Variants in NRG1 observed in about 807,000 individuals in gnomAD.
The protein encoded by NRG1 is neuregulin 1, also known as pro-neuregulin-1, membrane-bound isoform.
A neutral mutation model predicts 63.8 loss-of-function variants in NRG1; 18 were observed. That is an observed-to-expected ratio of 0.28 (90% CI 0.19 to 0.42). The LOEUF (loss-of-function observed/expected upper bound fraction) is 0.42, where lower values mean the gene tolerates loss of function less well. Among genes scored for constraint, NRG1 ranks in the 10% least tolerant of loss-of-function variants. NRG1 has a pLI of 1.00. For missense variants in NRG1, 762 were observed against 814.7 expected (o/e 0.94, Z 0.79); for synonymous variants, 302 against 301.3 (o/e 1.00, Z -0.02).
chr8:31,747,562 T>C (rs772703909), intron 1 of NRG1, among the ~76,000 whole-genome samples: 1 of 152,046 alleles, frequency 6.6e-6, no homozygotes, highest in Admixed American at 6.6e-5. Flanking sequence ...TCTTCTCTTA[T>C]ATTCTTCCAA....
intron 1 of NRG1, among the ~76,000 whole-genome samples, chr8:32,115,278 G>T (rs143806844): frequency 2.2e-3 from 336 of 152,044 alleles, no homozygotes; most frequent in African/African-American, 7.9e-3. Flanking sequence ...TGATCCACCC[G>T]CCTCAGCCTC....
At chr8:32,141,697 T>C (rs1430937110) in intron 1 of NRG1, among the ~76,000 whole-genome samples, 1 of 148,946 alleles carries the variant, frequency 6.7e-6, no homozygotes, top group Admixed American at 6.7e-5. Flanking sequence ...AATATCTGAA[T>C]AACATTTGAA....
At chr8:32,508,382 C>T (rs965786396) in intron 1 of NRG1, among the ~76,000 whole-genome samples, 3 of 152,008 alleles carry the variant, frequency 2.0e-5, no homozygotes, top group African/African-American at 4.8e-5. Flanking sequence ...CCTCCACCTC[C>T]CAGGTTCAAG....
chr8:31,952,672 T>C lies in NRG1; in HGVS notation c.37+313241T>C, dbSNP rs182854739. Among the ~76,000 whole-genome samples, 74 of 152,380 alleles carry C rather than the reference T, an allele frequency of 4.9e-4. 1 individual carries two copies. In the East Asian group the frequency reaches 0.011, roughly 23 times the overall value. ...TTGCTGTTTGTGTGATTTCCTACAT[T>C]GGCCTTGGGCCTATTATGAGCTGAC... On this transcript the variant is annotated intron_variant, in intron 1 of 10. Coordinates refer to the NRG1 transcript ENST00000519301.
chr8:32,544,440 A>C (rs1168409177), upstream of NRG1, among the ~76,000 whole-genome samples: 1 of 151,484 alleles, frequency 6.6e-6, no homozygotes, highest in African/African-American at 2.4e-5. Flanking sequence ...GATCAGAGAC[A>C]GTATTTTATT....
At chr8:32,030,632 T>A (rs747458202) in intron 1 of NRG1, among the ~76,000 whole-genome samples, 20 of 152,120 alleles carry the variant, frequency 1.3e-4, no homozygotes, top group Non-Finnish European at 2.8e-4. Context: ...AGAGACTCCG[T>A]TGGGGATGAT....
At chr8:32,657,678 C>T (rs753776537) in intron 5 of NRG1, among the ~76,000 whole-genome samples, 3 of 152,218 alleles carry the variant, frequency 2.0e-5, no homozygotes, top group Non-Finnish European at 4.4e-5. Context: ...TAGAATTGAA[C>T]TCTTGTTAGC....
chr8:32,498,089 C>G (rs1235711227), intron 1 of NRG1, among the ~76,000 whole-genome samples: 1 of 152,168 alleles, frequency 6.6e-6, no homozygotes, highest in Non-Finnish European at 1.5e-5. Flanking sequence ...TCCCAAAGTA[C>G]TGGGATTACA....
intron 1 of NRG1, among the ~76,000 whole-genome samples, chr8:31,883,240 A>G (rs748224743): frequency 3.3e-5 from 5 of 152,156 alleles, no homozygotes; most frequent in Admixed American, 6.6e-5. Context: ...CTTTCTGAAG[A>G]TTCAGATGAT....
At chr8:32,590,490 T>C (rs1842338707) in intron 1 of NRG1, among the ~76,000 whole-genome samples, 1 of 152,208 alleles carries the variant, frequency 6.6e-6, no homozygotes, top group Non-Finnish European at 1.5e-5. Flanking sequence ...TAATTTTTAA[T>C]TAACAGACCT....
chr8:32,395,743 G>A (rs1400956512), intron 1 of NRG1, among the ~76,000 whole-genome samples: 1 of 151,978 alleles, frequency 6.6e-6, no homozygotes, highest in Non-Finnish European at 1.5e-5. Context: ...ATCTGTTGAA[G>A]TGTAGTTTAT....
intron 1 of NRG1, among the ~76,000 whole-genome samples, chr8:31,763,719 G>A (rs544205828): frequency 6.6e-6 from 1 of 152,222 alleles, no homozygotes; most frequent in Non-Finnish European, 1.5e-5. Flanking sequence ...GGGAGGCCGA[G>A]GCGGGCAGAT....
rs554315993 is a variant in NRG1, at chr8:31,642,098, A to G, written c.37+2667A>G. Among the ~76,000 whole-genome samples, 21 of 152,278 alleles carry G rather than the reference A, an allele frequency of 1.4e-4. No homozygotes were observed. The South Asian group carries it at 4.4e-3, about 32-fold the overall frequency. ...TCAGAGAGTGGTGCTGAAGAAAGCTAAGTGGCATAGGGATTCCCCGAGACC... is the reference window on the plus strand; with the variant it reads ...TCAGAGAGTGGTGCTGAAGAAAGCTGAGTGGCATAGGGATTCCCCGAGACC... On this transcript the variant is annotated intron_variant, in intron 1 of 10. Coordinates refer to the NRG1 transcript ENST00000519301.
chr8:31,688,320 A>G (rs1809121305), intron 1 of NRG1, among the ~76,000 whole-genome samples: 1 of 152,126 alleles, frequency 6.6e-6, no homozygotes, highest in African/African-American at 2.4e-5. Flanking sequence ...CCCTTATATA[A>G]AAGGGCCAAC....
At chr8:32,096,233 G>T (rs1018974654) in intron 1 of NRG1, among the ~76,000 whole-genome samples, 8 of 152,182 alleles carry the variant, frequency 5.3e-5, no homozygotes, top group African/African-American at 1.7e-4. Context: ...GATTACAATG[G>T]TTGTTCTGTA....
At chr8:32,564,929 T>G (rs1406752359) in intron 1 of NRG1, among the ~76,000 whole-genome samples, 2 of 151,756 alleles carry the variant, frequency 1.3e-5, no homozygotes, top group Admixed American at 1.3e-4. Flanking sequence ...AGTTAGCCAG[T>G]TATAATGGTG....
intron 5 of NRG1, among the ~76,000 whole-genome samples, chr8:32,725,603 GT>G (rs1821951403): frequency 6.7e-6 from 1 of 148,966 alleles, no homozygotes; most frequent in Admixed American, 6.8e-5. Context: ...AACCTCCTGA[GT>G]AGTTGGGATT....
chr8:32,660,165 A>G (rs1802506142), intron 5 of NRG1, among the ~76,000 whole-genome samples: 1 of 152,184 alleles, frequency 6.6e-6, no homozygotes, highest in African/African-American at 2.4e-5. Flanking sequence ...GAGCATCACC[A>G]TGATGTTCAA....
At chr8:32,094,973 G>C (rs991373529) in intron 1 of NRG1, among the ~76,000 whole-genome samples, 4 of 149,058 alleles carry the variant, frequency 2.7e-5, no homozygotes, top group Admixed American at 2.7e-4. Flanking sequence ...GTGCACTGGC[G>C]TGATCTCGGC....
Sources: allele counts gnomAD v4.1 joint callset (sites outside exome capture counted in the v4.1 genomes callset), GRCh38; gene constraint gnomAD v4.1.1; transcripts MANE v1.5; gene names NCBI Gene and HGNC (gene_info 2026-07-23, HGNC 2026-07-21).